Variants in PTN observed in about 807,000 individuals in gnomAD.
The protein encoded by PTN is pleiotrophin.
Under a neutral mutation model 24.1 loss-of-function variants are expected in PTN, and 18 were observed. That is an observed-to-expected ratio of 0.75 (90% CI 0.52 to 1.11). The LOEUF (loss-of-function observed/expected upper bound fraction) is 1.11, where lower values mean the gene tolerates loss of function less well. PTN is among the 50% of genes least tolerant of loss of function. PTN has a pLI of 0.00. For synonymous variants in PTN, 78 were observed against 68.6 expected (o/e 1.14, Z -0.67); for missense variants, 163 against 198.8 (o/e 0.82, Z 1.08).
chr7:137,341,263 G>A (rs1401646711), intron 1 of PTN, among the ~76,000 whole-genome samples: 1 of 152,094 alleles, frequency 6.6e-6, no homozygotes, highest in African/African-American at 2.4e-5. Context: ...TCAACAACTA[G>A]GCTTTTATGA....
chr7:137,317,063 T>C (rs1161721519), intron 1 of PTN, among the ~76,000 whole-genome samples: 1 of 152,204 alleles, frequency 6.6e-6, no homozygotes, highest in African/African-American at 2.4e-5. Context: ...TTTCCACAAA[T>C]GCATGCAATC....
At chr7:137,262,776 G>C (rs1809065611) in intron 1 of PTN, among the ~76,000 whole-genome samples, 1 of 152,210 alleles carries the variant, frequency 6.6e-6, no homozygotes. Context: ...GTTTCACAAG[G>C]TCCTTCCATA....
intron 2 of PTN, among the ~76,000 whole-genome samples, chr7:137,254,286 A>T (rs2128871410): frequency 6.8e-6 from 1 of 146,564 alleles, no homozygotes; most frequent in East Asian, 2.1e-4. Context: ...ACAGAGCGAG[A>T]CTCCAACTCA....
chr7:137,268,160 G>T (rs372304940), intron 1 of PTN, among the ~76,000 whole-genome samples: 25 of 152,076 alleles, frequency 1.6e-4, no homozygotes, highest in Middle Eastern at 3.4e-3. Flanking sequence ...CTCCACGGGG[G>T]CCTGCCACAC....
chr7:137,245,588 G>C (rs1002704169), intron 4 of PTN, among the ~76,000 whole-genome samples: 3 of 152,004 alleles, frequency 2.0e-5, no homozygotes, highest in African/African-American at 7.3e-5. Flanking sequence ...CATTATTTTA[G>C]AGTGTATTCC....
At chr7:137,246,784 T>G (rs1808730622) in intron 4 of PTN, among the ~76,000 whole-genome samples, 1 of 152,216 alleles carries the variant, frequency 6.6e-6, no homozygotes, top group Admixed American at 6.5e-5. Context: ...TGCATGGGTT[T>G]ATAATACCAA....
At chr7:137,253,955 G>A (rs1170101764) in intron 2 of PTN, among the ~76,000 whole-genome samples, 1 of 152,164 alleles carries the variant, frequency 6.6e-6, no homozygotes, top group Non-Finnish European at 1.5e-5. Context: ...TAAAAGAAGA[G>A]ATGGTCAAAA....
intron 4 of PTN, among the ~76,000 whole-genome samples, chr7:137,232,681 G>A (rs1176440394): frequency 1.3e-5 from 2 of 151,942 alleles, no homozygotes; most frequent in African/African-American, 4.8e-5. Flanking sequence ...AAAGAAGACA[G>A]GCAGTGATAT....
At chr7:137,276,938 T>C (rs1268401697) in intron 1 of PTN, among the ~76,000 whole-genome samples, 3 of 152,136 alleles carry the variant, frequency 2.0e-5, no homozygotes, top group African/African-American at 4.8e-5. Flanking sequence ...ATGGAATCAC[T>C]CAAAAAAACT....
intron 1 of PTN, among the ~76,000 whole-genome samples, chr7:137,261,171 TAATTGTCCCATCTTTGAAG>T (rs1327320709): frequency 6.6e-6 from 1 of 152,184 alleles, no homozygotes; most frequent in Non-Finnish European, 1.5e-5. Flanking sequence ...ATTGAAGCTC[TAATTGTCCCATCTTTGAAG>T]AATCTTTGTT....
chr7:137,302,816 A>G (rs550106492), intron 1 of PTN, among the ~76,000 whole-genome samples: 9 of 152,000 alleles, frequency 5.9e-5, no homozygotes, highest in Non-Finnish European at 1.3e-4. Flanking sequence ...ATTTAATGGT[A>G]GGACACAGTT....
At chr7:137,264,499 A>G (rs1809102611) in intron 1 of PTN, among the ~76,000 whole-genome samples, 1 of 152,182 alleles carries the variant, frequency 6.6e-6, no homozygotes, top group African/African-American at 2.4e-5. Context: ...CGTCTTCTTC[A>G]GAATCACTTT....
intron 1 of PTN, among the ~76,000 whole-genome samples, chr7:137,266,139 G>T (rs1244547024): frequency 6.6e-6 from 1 of 152,096 alleles, no homozygotes. Flanking sequence ...AGAGGAGATT[G>T]GTGCTTTAAG....
At chr7:137,313,169 G>C (rs1383789984) in intron 1 of PTN, among the ~76,000 whole-genome samples, 1 of 152,116 alleles carries the variant, frequency 6.6e-6, no homozygotes, top group East Asian at 1.9e-4. Flanking sequence ...AGGGCCTTCT[G>C]ATTTCCCCAC....
chr7:137,332,476 C>G (rs1450832384), intron 1 of PTN, among the ~76,000 whole-genome samples: 1 of 152,082 alleles, frequency 6.6e-6, no homozygotes, highest in Non-Finnish European at 1.5e-5. Context: ...ATTTGAGATT[C>G]TGCATATTCC....
intron 1 of PTN, among the ~76,000 whole-genome samples, chr7:137,307,157 T>A (rs1352770087): frequency 6.6e-6 from 1 of 152,154 alleles, no homozygotes; most frequent in Non-Finnish European, 1.5e-5. Flanking sequence ...GTTGACATTT[T>A]ATCTTCCCTA....
At chr7:137,288,369 C>T (rs1809589757) in intron 1 of PTN, among the ~76,000 whole-genome samples, 1 of 152,260 alleles carries the variant, frequency 6.6e-6, no homozygotes, top group Non-Finnish European at 1.5e-5. Context: ...GGAGCTCTGC[C>T]TCGTTTTCAT....
intron 1 of PTN, among the ~76,000 whole-genome samples, chr7:137,339,914 C>A (rs1406591080): frequency 1.3e-5 from 2 of 152,100 alleles, no homozygotes; most frequent in Non-Finnish European, 2.9e-5. Context: ...TTGCTAAGAG[C>A]AATTCTTAGA....
At chr7:137,320,382 C>T in intron 1 of PTN, among the ~76,000 whole-genome samples, 1 of 131,262 alleles carries the variant, frequency 7.6e-6, no homozygotes, top group Admixed American at 7.3e-5. Context: ...TTTTCTAACT[C>T]ACTCATCTAC....
Sources: allele counts gnomAD v4.1 joint callset (sites outside exome capture counted in the v4.1 genomes callset), GRCh38; gene constraint gnomAD v4.1.1; transcripts MANE v1.5; gene names NCBI Gene and HGNC (gene_info 2026-07-23, HGNC 2026-07-21).